Variants in NRIP1 observed in about 807,000 individuals in gnomAD.
NRIP1 encodes the protein nuclear receptor interacting protein 1.
A neutral mutation model predicts 75.0 loss-of-function variants in NRIP1; 28 were observed. The ratio of observed to expected loss-of-function variants is 0.37; its 90% CI spans 0.28 to 0.51. The LOEUF is 0.51. NRIP1 is among the 20% of genes least tolerant of loss of function. The pLI is 0.92. For synonymous variants in NRIP1, 526 were observed against 487.6 expected (o/e 1.08, Z -1.04); for missense variants, 1,435 against 1,343.7 (o/e 1.07, Z -1.06).
At chr21:15,011,848 T>C (rs1250782631) in intron 3 of NRIP1, among the ~76,000 whole-genome samples, 1 of 152,204 alleles carries the variant, frequency 6.6e-6, no homozygotes, top group Admixed American at 6.5e-5. Context: ...AAAGGGTGAA[T>C]TAATTTTGTT....
rs770620572 is a variant in NRIP1, at chr21:14,965,477, C to G, written c.2716G>C (p.Asp906His). 8.1e-6 allele frequency: 13 copies of G among 1,613,836 alleles called. No individual in the cohort carries two copies. ...CCAGCAGGATATTTAAATTCAAGAT[C>G]ATTTCTGCTAAATTTCAGCTCTTCC... ...NQEELKFSRN[D>H]LEFKYPAGHG... Residue 906 changes from aspartate (D) to histidine (H), a missense_variant, in exon 4 of 4, where the codon GAT becomes CAT. Asp to His is a moderately conservative substitution (Grantham distance 81). Coordinates refer to ENST00000318948, the MANE Select transcript of NRIP1 (RefSeq NM_003489.4).
chr21:15,027,065 C>T (rs764248870), intron 2 of NRIP1, among the ~76,000 whole-genome samples: 1 of 151,882 alleles, frequency 6.6e-6, no homozygotes, highest in East Asian at 1.9e-4. Flanking sequence ...AGCAAGTATC[C>T]GAAGACTTCA....
At chr21:14,982,445 A>T (rs552633560) in intron 3 of NRIP1, among the ~76,000 whole-genome samples, 1 of 152,288 alleles carries the variant, frequency 6.6e-6, no homozygotes, top group South Asian at 2.1e-4. Flanking sequence ...ATGCATACAG[A>T]ATCCTGTAAT....
chr21:15,011,172 C>G (rs530397094), intron 3 of NRIP1, among the ~76,000 whole-genome samples: 8 of 152,248 alleles, frequency 5.3e-5, no homozygotes, highest in Non-Finnish European at 1.0e-4. Context: ...TTACCAACCT[C>G]GTAACCCAGC....
At chr21:14,994,823 G>T (rs553712140) in intron 3 of NRIP1, among the ~76,000 whole-genome samples, 1 of 152,158 alleles carries the variant, frequency 6.6e-6, no homozygotes, top group East Asian at 1.9e-4. Context: ...ATTTAACAGG[G>T]CTGTAAAAAA....
At chr21:15,010,270 G>A (rs1301195443) in intron 3 of NRIP1, among the ~76,000 whole-genome samples, 3 of 152,084 alleles carry the variant, frequency 2.0e-5, no homozygotes, top group Non-Finnish European at 4.4e-5. Flanking sequence ...GTTCACAACA[G>A]TTAATTTCAG....
rs529067310 is a variant in NRIP1, at chr21:15,009,218, A to C, written c.-335+5126T>G. ...AGGAAAGAAAAGAAAGAACTTTCTA[A>C]AAAGATGAGTAAACTAAGGAGGATA... On this transcript the variant is annotated intron_variant, in intron 3 of 3. Coordinates refer to ENST00000318948, the MANE Select transcript of NRIP1 (RefSeq NM_003489.4). Among the ~76,000 whole-genome samples the C allele has an allele frequency of 1.4e-4, 22 of 152,372 alleles. No homozygotes were observed. The South Asian group carries it at 4.3e-3, about 30-fold the overall frequency.
intron 1 of NRIP1, 38 bp from the exon 2 acceptor site, chr21:15,043,612 C>T (rs1302421020): frequency 1.3e-5 from 2 of 152,082 alleles, no homozygotes; most frequent in Non-Finnish European, 2.9e-5. Context: ...TTCAAGTGCA[C>T]CTTATCTCAA....
At chr21:14,988,458 C>T (rs55876300) in intron 3 of NRIP1, among the ~76,000 whole-genome samples, 4,793 of 139,422 alleles carry the variant, frequency 0.034, 203 homozygotes, top group African/African-American at 0.12. Flanking sequence ...GATAGATAGA[C>T]AGACAGATAG....
In NRIP1 at chr21:15,012,881, T is replaced by C. The variant is rs565781484; in HGVS notation, c.-335+1463A>G. On this transcript the variant is annotated intron_variant, in intron 3 of 3. Transcript: ENST00000318948. ...AACTCCTAGTTGGATCCAGTGAGCA[T>C]TGCTTATCATTCTGGCTATGTGGTA... Among the ~76,000 whole-genome samples, 8 of 152,330 alleles carry C rather than the reference T, an allele frequency of 5.3e-5. No individual in the cohort carries two copies. The South Asian group carries it at 1.0e-3, about 20-fold the overall frequency.
At chr21:15,017,254 C>T (rs879031613) in intron 2 of NRIP1, among the ~76,000 whole-genome samples, 3 of 152,094 alleles carry the variant, frequency 2.0e-5, no homozygotes, top group African/African-American at 4.8e-5. Flanking sequence ...ACGAGGATCT[C>T]GCTATGTTGC....
chr21:15,063,960 T>G (rs1324715194), intron 1 of NRIP1, among the ~76,000 whole-genome samples: 1 of 152,254 alleles, frequency 6.6e-6, no homozygotes, highest in Non-Finnish European at 1.5e-5. Flanking sequence ...TTGTTCCTTC[T>G]GACTGAACAC....
intron 3 of NRIP1, among the ~76,000 whole-genome samples, chr21:14,994,653 A>G (rs2147088899): frequency 6.6e-6 from 1 of 152,334 alleles, no homozygotes; most frequent in East Asian, 1.9e-4. Flanking sequence ...TGCAAACGAT[A>G]TACAACAGGC....
intron 2 of NRIP1, among the ~76,000 whole-genome samples, chr21:15,031,202 C>A (rs1298305777): frequency 6.9e-6 from 1 of 145,934 alleles, no homozygotes; most frequent in Non-Finnish European, 1.5e-5. Context: ...CAGAGGTTCA[C>A]CACATTCCCT....
At chr21:15,028,720 C>G (rs1158436544) in intron 2 of NRIP1, among the ~76,000 whole-genome samples, 1 of 152,110 alleles carries the variant, frequency 6.6e-6, no homozygotes, top group East Asian at 1.9e-4. Context: ...AATATCCACT[C>G]CATATAACAC....
intron 2 of NRIP1, among the ~76,000 whole-genome samples, chr21:15,030,991 GTTCA>G (rs2088658617): frequency 7.5e-6 from 1 of 133,668 alleles, no homozygotes; most frequent in Non-Finnish European, 1.7e-5. Context: ...TCTGGAAGGT[GTTCA>G]GAGGTTCACC....
rs143361474 is a variant in NRIP1 at position 14,981,724 on chromosome 21, C to A, written c.-334-13198G>T. On this transcript the variant is annotated intron_variant, in intron 3 of 3. Coordinates refer to ENST00000318948, the MANE Select transcript of NRIP1 (RefSeq NM_003489.4). ...TTAATAAAATTAAATCACTTTAACA[C>A]TGAAAACTAAAATCTTTAATGAAAA... 2.0e-3 allele frequency among the ~76,000 whole-genome samples: 306 copies of A among 152,288 alleles called. 1 individual carries two copies. The highest frequency in any genetic ancestry group is 3.2e-3 in the Non-Finnish European group (215 of 68,022).
intron 3 of NRIP1, among the ~76,000 whole-genome samples, chr21:14,977,810 T>C (rs2087115609): frequency 6.6e-6 from 1 of 152,216 alleles, no homozygotes; most frequent in Non-Finnish European, 1.5e-5. Flanking sequence ...AAGGTAGATG[T>C]GTGGTCATAC....
rs1311192130 is a variant in NRIP1, at chr21:14,982,704, TTTTG to T, written c.-334-14182_-334-14179del. ...ACTTTGCCATTATTGTGGGGTTTTT[TTTTG>T]TTTTTTTTTTGTTTTTTTTTTTTAC... On this transcript the variant is annotated intron_variant, in intron 3 of 3. Coordinates refer to ENST00000318948, the MANE Select transcript of NRIP1 (RefSeq NM_003489.4). 1.5e-3 allele frequency among the ~76,000 whole-genome samples: 119 copies of T among 77,880 alleles called. 1 individual carries two copies. Among genetic ancestry groups the T allele is most frequent in the African/African-American group, 6.6e-3 (111 of 16,834 alleles). The allele number at this position is 77,880 out of a possible 152,430, so 51.1% of individuals were successfully genotyped here.
Sources: gnomAD v4.1 joint callset for allele counts (sites outside exome capture counted in the v4.1 genomes callset) on GRCh38, gnomAD v4.1.1 for gene constraint, MANE v1.5 for transcripts, NCBI Gene and HGNC (gene_info 2026-07-23, HGNC 2026-07-21) for gene names.